The following MTHFD1L variants were observed in gnomAD, a reference collection of about 807,000 sequenced individuals.
MTHFD1L encodes methylenetetrahydrofolate dehydrogenase (NADP+ dependent) 1 like.
A neutral mutation model predicts 119.5 loss-of-function variants in MTHFD1L; 81 were observed. The observed-to-expected ratio is 0.68, with a 90% confidence interval of 0.57 to 0.82. The LOEUF is 0.82. MTHFD1L is among the 40% of genes least tolerant of loss of function. The probability of loss-of-function intolerance (pLI) is 0.00; values close to 1 mark genes in which losing one functional copy is unlikely to be tolerated. For synonymous variants in MTHFD1L, 430 were observed against 475.2 expected (o/e 0.90, Z 1.24); for missense variants, 1,125 against 1,253.4 (o/e 0.90, Z 1.55).
intron 6 of MTHFD1L, among the ~76,000 whole-genome samples, chr6:150,886,526 C>T (rs978655738): frequency 6.6e-6 from 1 of 151,180 alleles, no homozygotes; most frequent in Non-Finnish European, 1.5e-5. Flanking sequence ...TATTGGTGAG[C>T]AGCTTGCTTT....
intron 25 of MTHFD1L, among the ~76,000 whole-genome samples, 200 bp downstream of exon 25, chr6:151,034,800 C>G (rs1287213506): frequency 6.6e-6 from 1 of 152,154 alleles, no homozygotes; most frequent in Non-Finnish European, 1.5e-5. Flanking sequence ...ATCCTCTGAT[C>G]CATGCATCAT....
intron 20 of MTHFD1L, among the ~76,000 whole-genome samples, chr6:151,005,179 A>G (rs1377222964): frequency 1.3e-5 from 2 of 152,102 alleles, no homozygotes; most frequent in African/African-American, 4.8e-5. Flanking sequence ...TTCCTATAAG[A>G]GTGGTTTGTC....
chr6:150,994,193 G>C (rs1307781372), intron 20 of MTHFD1L, among the ~76,000 whole-genome samples: 2 of 152,048 alleles, frequency 1.3e-5, no homozygotes, highest in African/African-American at 4.8e-5. Context: ...TGATCATCAT[G>C]GGTTCTGTGC....
chr6:151,067,242 C>T (rs755100475), intron 26 of MTHFD1L, among the ~76,000 whole-genome samples: 5 of 151,740 alleles, frequency 3.3e-5, no homozygotes, highest in Non-Finnish European at 7.4e-5. Flanking sequence ...GCCACCGCTC[C>T]CGGCCATCGA....
intron 27 of MTHFD1L, among the ~76,000 whole-genome samples, chr6:151,095,803 G>A (rs3849795): frequency 0.16 from 25,003 of 152,270 alleles, 3,317 homozygotes; most frequent in African/African-American, 0.36. Flanking sequence ...GCCCTGGTCT[G>A]CAAGGCTACA....
At chr6:150,903,157 C>T (rs1379234171) in intron 7 of MTHFD1L, among the ~76,000 whole-genome samples, 1 of 143,406 alleles carries the variant, frequency 7.0e-6, no homozygotes, top group Non-Finnish European at 1.5e-5. Flanking sequence ...CTGTAGAGAT[C>T]ATAGGTGGCT....
chr6:150,945,404 G>A, intron 14 of MTHFD1L, 63 bp from the exon 15 acceptor site: 1 of 1,335,254 alleles, frequency 7.5e-7, no homozygotes, highest in South Asian at 1.3e-5. Flanking sequence ...CATATCCTGT[G>A]AATTGTCCAA....
chr6:151,062,757 C>A (rs1331523640), intron 26 of MTHFD1L, among the ~76,000 whole-genome samples: 2 of 152,090 alleles, frequency 1.3e-5, no homozygotes, highest in Non-Finnish European at 2.9e-5. Context: ...GAAGTTGCTG[C>A]TACACATTTC....
At chr6:150,975,061 G>A (rs978458141) in intron 20 of MTHFD1L, among the ~76,000 whole-genome samples, 7 of 152,058 alleles carry the variant, frequency 4.6e-5, no homozygotes, top group African/African-American at 1.7e-4. Flanking sequence ...TTTTTAAGGC[G>A]GAATAATATT....
In MTHFD1L at chr6:150,874,662, C is replaced by T. The variant is rs556304432; in HGVS notation, c.228-1428C>T. 2.7e-4 allele frequency among the ~76,000 whole-genome samples: 41 copies of T among 152,290 alleles called. No homozygotes were observed. The South Asian group carries it at 6.0e-3, about 22-fold the overall frequency. On this transcript the variant is annotated intron_variant, in intron 1 of 27. Transcript: ENST00000367321. Reference sequence around the variant, plus strand: ...ATTGTGAGAGGGGGAAAAGCCAGCTCCCAGTGCTCATGTGCTGCTGAGAAC... The same window carrying T: ...ATTGTGAGAGGGGGAAAAGCCAGCTTCCAGTGCTCATGTGCTGCTGAGAAC...
intron 24 of MTHFD1L, among the ~76,000 whole-genome samples, chr6:151,030,909 T>C (rs1785256002): frequency 6.6e-6 from 1 of 152,214 alleles, no homozygotes; most frequent in Non-Finnish European, 1.5e-5. Flanking sequence ...AAGTTGCCCA[T>C]GCAGGGCACG....
At chr6:151,025,722 T>C (rs1784524663) in intron 24 of MTHFD1L, among the ~76,000 whole-genome samples, 1 of 152,230 alleles carries the variant, frequency 6.6e-6, no homozygotes, top group Non-Finnish European at 1.5e-5. Flanking sequence ...AACCATGTAT[T>C]TGTCATTCAC....
chr6:150,885,721 TC>T lies in MTHFD1L; in HGVS notation c.631del (p.Glu212LysfsTer7). On this transcript the variant is annotated frameshift_variant, in exon 6 of 28. Coordinates refer to ENST00000367321, the MANE Select transcript of MTHFD1L (RefSeq NM_015440.5). LOFTEE classifies it high-confidence loss of function. ...SPVAKAVIELLEKSGVNLDGK... is the reference protein window; with the variant it reads ...SPVAKAVIELXEKSGVNLDGK... ...CTGTTGCCAAAGCTGTAATTGAACT[TC>T]TTGAAAAATCAGGTAGGATGCTCCT... 1 of 1,612,826 alleles carries T rather than the reference TC, an allele frequency of 6.2e-7. No homozygotes were observed. Among genetic ancestry groups the T allele is most frequent in the Non-Finnish European group, 8.5e-7 (1 of 1,178,950 alleles).
intron 26 of MTHFD1L, among the ~76,000 whole-genome samples, chr6:151,091,189 G>A (rs1412948557): frequency 6.7e-6 from 1 of 149,924 alleles, no homozygotes; most frequent in Non-Finnish European, 1.5e-5. Context: ...ACTGGGTGCA[G>A]CATCGTTCCA....
At chr6:150,899,224 G>A (rs1784739930) in intron 7 of MTHFD1L, among the ~76,000 whole-genome samples, 1 of 152,180 alleles carries the variant, frequency 6.6e-6, no homozygotes, top group Non-Finnish European at 1.5e-5. Flanking sequence ...GAAAAGTTTG[G>A]TAGAAAAATG....
chr6:150,924,419 C>T (rs1030241488), intron 10 of MTHFD1L, among the ~76,000 whole-genome samples: 1 of 152,156 alleles, frequency 6.6e-6, no homozygotes, highest in African/African-American at 2.4e-5. Context: ...GTGATCTGCC[C>T]TCCTGTGCTC....
Position 150,882,767 on chromosome 6 carries a change from A to G in MTHFD1L, c.423A>G (p.Ile141Met). ...LPPDSSEAEI[I>M]DEILKINEDT... ...TTTTTTTGTTTTCTCTTTAGATTAT[A>G]GATGAAATCTTAAAGATCAATGAAG... The change falls in exon 5 of 28, where the codon ATA (isoleucine) becomes ATG (methionine). Residue 141 changes from isoleucine (I) to methionine (M), a missense_variant. Ile to Met is a conservative substitution (Grantham distance 10, BLOSUM62 1). This residue lies in a region of MTHFD1L where 1,058 missense variants were observed against 1,151.2 expected (regional missense o/e 0.92). Coordinates refer to ENST00000367321, the MANE Select transcript of MTHFD1L (RefSeq NM_015440.5). The G allele has an allele frequency of 6.7e-7, 1 of 1,497,912 alleles. No homozygotes were observed. The highest frequency in any genetic ancestry group is 8.9e-7 in the Non-Finnish European group (1 of 1,128,444). 92.8% of individuals were successfully genotyped at this position (1,497,912 alleles called of 1,614,324 possible). A position where few individuals can be genotyped will look rare whatever the true frequency, so the allele number is the denominator to read the frequency against.
At chr6:150,905,521 C>T (rs555151125) in intron 7 of MTHFD1L, 129 bp from the exon 8 acceptor site, 6 of 665,576 alleles carry the variant, frequency 9.0e-6, no homozygotes, top group South Asian at 9.0e-5. Context: ...TAAAGCGATT[C>T]CATCCTTGTC....
intron 26 of MTHFD1L, among the ~76,000 whole-genome samples, chr6:151,067,433 C>T (rs1232935210): frequency 1.3e-5 from 2 of 152,016 alleles, no homozygotes; most frequent in African/African-American, 4.8e-5. Context: ...AAGCAATTAT[C>T]GTGCCTCAGC....
Sources: gnomAD v4.1 joint callset for allele counts (sites outside exome capture counted in the v4.1 genomes callset) on GRCh38, gnomAD v4.1.1 for gene constraint, gnomAD v4.1.1 regional missense constraint, MANE v1.5 for transcripts, NCBI Gene and HGNC (gene_info 2026-07-23, HGNC 2026-07-21) for gene names.